KAZN: variants seen among roughly 807,000 people sequenced by gnomAD.
KAZN encodes kazrin, periplakin interacting protein.
Under a neutral mutation model 87.4 loss-of-function variants are expected in KAZN, and 40 were observed. The ratio of observed to expected loss-of-function variants is 0.46; its 90% CI spans 0.36 to 0.60. The LOEUF is 0.60. KAZN is among the 20% of genes least tolerant of loss of function. The pLI, the probability that KAZN is intolerant of heterozygous loss-of-function variation, is 0.00. For missense variants in KAZN, 898 were observed against 1,073.9 expected (o/e 0.84, Z 2.29); for synonymous variants, 466 against 458.3 (o/e 1.02, Z -0.22).
intron 2 of KAZN, among the ~76,000 whole-genome samples, chr1:14,411,754 A>C (rs1457139885): frequency 2.0e-5 from 3 of 152,280 alleles, no homozygotes; most frequent in Non-Finnish European, 4.4e-5. Context: ...GTGATTCAAC[A>C]GAAAATCAAG....
chr1:13,907,251 G>A (rs533074014), intron 1 of KAZN, among the ~76,000 whole-genome samples: 1 of 152,166 alleles, frequency 6.6e-6, no homozygotes, highest in Non-Finnish European at 1.5e-5. Context: ...CCCACTGAAG[G>A]CTGGAAACAC....
intron 1 of KAZN, among the ~76,000 whole-genome samples, chr1:13,915,323 T>C (rs1258859553): frequency 6.6e-6 from 1 of 152,226 alleles, no homozygotes; most frequent in Non-Finnish European, 1.5e-5. Flanking sequence ...TAATTTCTTT[T>C]CAAAGAAGAA....
intron 2 of KAZN, among the ~76,000 whole-genome samples, chr1:14,409,963 ACAG>A (rs977482073): frequency 4.6e-5 from 7 of 152,218 alleles, no homozygotes; most frequent in African/African-American, 9.7e-5. Context: ...GATGGCTTGA[ACAG>A]CAGATTAATC....
At chr1:14,213,621 G>A (rs569900555) in intron 2 of KAZN, among the ~76,000 whole-genome samples, 6 of 152,300 alleles carry the variant, frequency 3.9e-5, no homozygotes, top group Non-Finnish European at 8.8e-5. Context: ...AGGTCAGAAA[G>A]GTCACTTATA....
At chr1:14,247,191 A>G (rs145071311) in intron 2 of KAZN, among the ~76,000 whole-genome samples, 2 of 152,336 alleles carry the variant, frequency 1.3e-5, no homozygotes, top group Non-Finnish European at 1.5e-5. Flanking sequence ...GATTTTTAAA[A>G]TATTTGTTTT....
rs955930881 is a variant in KAZN at position 15,094,751 on chromosome 1, T to A, written c.1429-64T>A. ...AGGAGCCCCATGTCAACAGACCCCC[T>A]CTAGGGCAGGAACCCCGCCGGCAGC... On this transcript the variant is annotated intron_variant, in intron 9 of 14. Transcript: ENST00000376030. The surrounding 1 kb of genome is among the most constrained non-coding windows in gnomAD (Gnocchi z 4.5). 6 of 1,267,502 alleles carry A rather than the reference T, an allele frequency of 4.7e-6. No homozygotes were observed. In the African/African-American group the frequency reaches 8.9e-5, roughly 19 times the overall value. The allele number at this position is 1,267,502 out of a possible 1,614,324, so 78.5% of individuals were successfully genotyped here.
chr1:14,727,786 G>A (rs1393893871), intron 1 of KAZN, among the ~76,000 whole-genome samples: 2 of 151,454 alleles, frequency 1.3e-5, no homozygotes, highest in Non-Finnish European at 2.9e-5. Context: ...TTCTATCATT[G>A]CATCGTAATA....
chr1:14,417,789 G>A (rs1162279946), intron 2 of KAZN, among the ~76,000 whole-genome samples: 1 of 151,818 alleles, frequency 6.6e-6, no homozygotes, highest in Non-Finnish European at 1.5e-5. Context: ...GAGGTCAGGA[G>A]ATCAAGACCA....
chr1:14,265,526 A>G (rs1467726351), intron 2 of KAZN, among the ~76,000 whole-genome samples: 1 of 152,258 alleles, frequency 6.6e-6, no homozygotes, highest in African/African-American at 2.4e-5. Flanking sequence ...GGAACAGTCA[A>G]GTGACCACAA....
chr1:14,361,502 A>G (rs1228676881), intron 2 of KAZN, among the ~76,000 whole-genome samples: 1 of 152,198 alleles, frequency 6.6e-6, no homozygotes, highest in East Asian at 1.9e-4. Flanking sequence ...GGGTATGAAA[A>G]AAACTGCAGC....
chr1:14,971,099 G>A lies in KAZN; in HGVS notation c.418+10224G>A, dbSNP rs114105097. ...CCATCTATAAAATGGGGATGAGAGA[G>A]GTTAAGAAATTCTTCTGGCCGGATG... On this transcript the variant is annotated intron_variant, in intron 2 of 14. Coordinates refer to ENST00000376030, the MANE Select transcript of KAZN (RefSeq NM_201628.3). 3.1e-3 allele frequency among the ~76,000 whole-genome samples: 471 copies of A among 152,262 alleles called. 3 individuals are homozygous for A. The highest frequency in any genetic ancestry group is 0.011 in the African/African-American group (454 of 41,570).
rs199657291 is a variant in KAZN, at chr1:15,071,192, C to CA, written c.1222+5442dup. On this transcript the variant is annotated intron_variant, in intron 8 of 14. Transcript: ENST00000376030. ...TGTCACTAAAATGTCCCCCTGTGGG[C>CA]AAATTGAGGGTATAAGTCTGGGATG... is the stretch of plus-strand genomic sequence containing the variant. Among the ~76,000 whole-genome samples the CA allele has an allele frequency of 6.1e-3, 931 of 152,238 alleles. 4 individuals are homozygous for CA. Among genetic ancestry groups the CA allele is most frequent in the Non-Finnish European group, 0.011 (743 of 68,002 alleles).
At chr1:15,048,634 G>GGGTCGTTGATCCTT (rs1673872645) in intron 4 of KAZN, among the ~76,000 whole-genome samples, 1 of 147,846 alleles carries the variant, frequency 6.8e-6, no homozygotes, top group Admixed American at 6.7e-5. Context: ...CGTCGGTCCT[G>GGGTCGTTGATCCTT]GGTCGTCGGT....
chr1:14,431,396 C>T (rs1571628831), intron 2 of KAZN, among the ~76,000 whole-genome samples: 1 of 152,178 alleles, frequency 6.6e-6, no homozygotes, highest in African/African-American at 2.4e-5. Flanking sequence ...CAAGCCCCTA[C>T]TTGGAGGATA....
At chr1:14,847,602 C>T (rs1648937604) in intron 1 of KAZN, among the ~76,000 whole-genome samples, 1 of 152,206 alleles carries the variant, frequency 6.6e-6, no homozygotes. Flanking sequence ...TATGTCTTTA[C>T]CCATCAGCCT....
intron 1 of KAZN, among the ~76,000 whole-genome samples, chr1:13,979,670 T>C (rs1182228401): frequency 6.6e-6 from 1 of 152,198 alleles, no homozygotes; most frequent in South Asian, 2.1e-4. Context: ...GGCACACGCC[T>C]GTAATCCCAG....
intron 2 of KAZN, among the ~76,000 whole-genome samples, chr1:14,325,130 T>A (rs1276801034): frequency 6.6e-6 from 1 of 152,162 alleles, no homozygotes; most frequent in Admixed American, 6.6e-5. Context: ...TGACCCCCAC[T>A]ACCTCCACTA....
intron 2 of KAZN, among the ~76,000 whole-genome samples, chr1:14,459,261 G>GCATC (rs1553175297): frequency 3.4e-4 from 49 of 144,592 alleles, no homozygotes; most frequent in African/African-American, 1.1e-3. Context: ...GTGTGTGCGC[G>GCATC]TGTGTGTGTG....
Position 14,565,788 on chromosome 1 carries a change from CA to C in KAZN, c.250-33193del, listed in dbSNP as rs534715286. 5.4e-4 allele frequency among the ~76,000 whole-genome samples: 82 copies of C among 152,278 alleles called. 1 individual carries two copies. The highest frequency in any genetic ancestry group is 6.8e-3 in the Middle Eastern group (2 of 294). ...ACTTTCTTTGCTCTTCCATAAGAAG[CA>C]ACTCCTCATCTATTCAAATTTGATC... On this transcript the variant is annotated intron_variant, in intron 2 of 16. Coordinates refer to the KAZN transcript ENST00000636203.
Sources: allele counts gnomAD v4.1 joint callset (sites outside exome capture counted in the v4.1 genomes callset), GRCh38; gene constraint gnomAD v4.1.1; non-coding constraint Gnocchi (gnomAD v3.1); transcripts MANE v1.5; gene names NCBI Gene and HGNC (gene_info 2026-07-23, HGNC 2026-07-21).